Variants in PTPN11 observed in about 807,000 individuals in gnomAD.
PTPN11 encodes the protein tyrosine-protein phosphatase non-receptor type 11.
In PTPN11, 6 loss-of-function variants were observed where a neutral mutation model predicts 78.8. That is an observed-to-expected ratio of 0.08 (90% CI 0.04 to 0.15). The LOEUF (loss-of-function observed/expected upper bound fraction) is 0.15, where lower values mean the gene tolerates loss of function less well. Among genes scored for constraint, PTPN11 ranks in the 10% least tolerant of loss-of-function variants. The pLI is 1.00. For missense variants in PTPN11, 386 were observed against 744.8 expected (o/e 0.52, Z 5.61); for synonymous variants, 221 against 263.5 (o/e 0.84, Z 1.56).
intron 12 of PTPN11, 145 bp from the exon 13 acceptor site, chr12:112,488,874 AAGTTC>A: frequency 8.6e-7 from 1 of 1,163,462 alleles, no homozygotes; most frequent in Non-Finnish European, 1.3e-6. Context: ...TATTGGTCAG[AAGTTC>A]AACACTGTAG....
In PTPN11 at chr12:112,464,236, C is replaced by T. The variant is rs77864969; in HGVS notation, c.756+8173C>T. ...ATTTCAGGTATCACTATCCAGAAGA[C>T]GTTACTTTTGCCTTTGATGCACTTT... On this transcript the variant is annotated intron_variant, in intron 6 of 15. Coordinates refer to ENST00000351677, the MANE Select transcript of PTPN11 (RefSeq NM_002834.5). 8.1e-3 allele frequency among the ~76,000 whole-genome samples: 1,240 copies of T among 152,252 alleles called. 16 individuals are homozygous for T. Among genetic ancestry groups the T allele is most frequent in the African/African-American group, 0.029 (1,191 of 41,552 alleles).
Position 112,453,400 on chromosome 12 carries a change from T to C in PTPN11, c.525+13T>C. On this transcript the variant is annotated intron_variant, in intron 4 of 15. Transcript: ENST00000351677. ...GATTCGCTGTCAGGTAAATCTCCAG[T>C]TGAAAAATGGGTCTGGCAAGATGTT... 1 of 1,613,396 alleles carries C rather than the reference T, an allele frequency of 6.2e-7. No homozygotes were observed.
intron 3 of PTPN11, among the ~76,000 whole-genome samples, chr12:112,452,273 C>T (rs1485687464): frequency 6.6e-6 from 1 of 152,070 alleles, no homozygotes. Flanking sequence ...GTCACCCAGG[C>T]TGGAGTGCAA....
intron 5 of PTPN11, 110 bp downstream of exon 5, chr12:112,454,790 G>T: frequency 1.4e-6 from 1 of 699,826 alleles, no homozygotes; most frequent in Non-Finnish European, 2.6e-6. Flanking sequence ...CAGCCTCCAT[G>T]TACCCATTGC....
chr12:112,472,582 G>A lies in PTPN11; in HGVS notation c.757-362G>A, dbSNP rs533667223. Among the ~76,000 whole-genome samples the A allele has an allele frequency of 6.7e-5, 10 of 150,274 alleles. No homozygotes were observed. The South Asian group carries it at 2.1e-3, about 32-fold the overall frequency. On this transcript the variant is annotated intron_variant, in intron 6 of 15. Coordinates refer to ENST00000351677, the MANE Select transcript of PTPN11 (RefSeq NM_002834.5). ...GGAGTCTCGCTCTTTCGCCCAGGCTGGAGTGCAGTGGCACAATCTCTCCTC... is the reference window on the plus strand; with the variant it reads ...GGAGTCTCGCTCTTTCGCCCAGGCTAGAGTGCAGTGGCACAATCTCTCCTC...
chr12:112,452,983 A>G (rs928289463), intron 3 of PTPN11, among the ~76,000 whole-genome samples: 1 of 151,996 alleles, frequency 6.6e-6, no homozygotes, highest in African/African-American at 2.4e-5. Flanking sequence ...CTCATTTAAG[A>G]AGTTTAGTGG....
intron 15 of PTPN11, among the ~76,000 whole-genome samples, chr12:112,505,533 G>A (rs933723921): frequency 1.3e-5 from 2 of 151,654 alleles, no homozygotes; most frequent in African/African-American, 2.4e-5. Flanking sequence ...AATTAGCTGA[G>A]CATGGTGGTG....
chr12:112,429,125 A>G (rs61941346), intron 1 of PTPN11, among the ~76,000 whole-genome samples: 6,108 of 152,286 alleles, frequency 0.04, 184 homozygotes, highest in South Asian at 0.078. Flanking sequence ...GTTAGCTTAA[A>G]TGACATACAT....
At chr12:112,425,258 A>G (rs2037599703) in intron 1 of PTPN11, among the ~76,000 whole-genome samples, 1 of 152,146 alleles carries the variant, frequency 6.6e-6, no homozygotes, top group Admixed American at 6.6e-5. Flanking sequence ...GGGGGGGGCT[A>G]GTTAAATGAA....
At chr12:112,488,353 T>G in intron 11 of PTPN11, 90 bp from the exon 12 acceptor site, 1 of 1,026,620 alleles carries the variant, frequency 9.7e-7, no homozygotes, top group Non-Finnish European at 1.6e-6. Flanking sequence ...AGAGTAGACA[T>G]TGTTTCTGTT....
At chr12:112,470,423 C>T (rs2038397324) in intron 6 of PTPN11, among the ~76,000 whole-genome samples, 1 of 152,198 alleles carries the variant, frequency 6.6e-6, no homozygotes. Flanking sequence ...GCTCATTTCA[C>T]ACTCAAGGAA....
At chr12:112,455,892 T>A in intron 5 of PTPN11, 58 bp from the exon 6 acceptor site, 12 of 941,668 alleles carry the variant, frequency 1.3e-5, no homozygotes, top group East Asian at 2.4e-5. Flanking sequence ...TTTTTTTGCA[T>A]TAACACCGTT....
Position 112,464,281 on chromosome 12 carries a change from G to A in PTPN11, c.756+8218G>A, listed in dbSNP as rs146182758. ...CACTTTAAAATGTGAAGTCTCTTGT[G>A]AAGCTCTTTGGTTATTTTCTCCTTT... On this transcript the variant is annotated intron_variant, in intron 6 of 15. Coordinates refer to ENST00000351677, the MANE Select transcript of PTPN11 (RefSeq NM_002834.5). 2.9e-3 allele frequency among the ~76,000 whole-genome samples: 448 copies of A among 152,284 alleles called. 2 individuals carry two copies. Among genetic ancestry groups the A allele is most frequent in the African/African-American group, 9.8e-3 (409 of 41,566 alleles).
chr12:112,452,575 TG>T (rs1416980221), intron 3 of PTPN11, among the ~76,000 whole-genome samples: 1 of 151,894 alleles, frequency 6.6e-6, no homozygotes, highest in Non-Finnish European at 1.5e-5. Flanking sequence ...TCACCCAAGC[TG>T]GAGTGCGGTG....
intron 6 of PTPN11, among the ~76,000 whole-genome samples, chr12:112,463,744 G>A (rs1176687401): frequency 2.0e-5 from 3 of 152,162 alleles, no homozygotes; most frequent in Non-Finnish European, 4.4e-5. Flanking sequence ...TCTCCACAGA[G>A]GTCAGACTGA....
At chr12:112,501,962 G>T (rs1592862460) in intron 13 of PTPN11, among the ~76,000 whole-genome samples, 182 bp from the exon 14 acceptor site, 1 of 152,164 alleles carries the variant, frequency 6.6e-6, no homozygotes, top group African/African-American at 2.4e-5. Context: ...CTCCTACTGT[G>T]TATTTACCTT....
intron 1 of PTPN11, among the ~76,000 whole-genome samples, chr12:112,432,191 AT>A (rs2037723500): frequency 6.6e-6 from 1 of 152,202 alleles, no homozygotes; most frequent in African/African-American, 2.4e-5. Context: ...TTGGTAATGT[AT>A]GTAGTATTGG....
intron 4 of PTPN11, 131 bp downstream of exon 4, chr12:112,453,518 T>C: frequency 1.3e-6 from 1 of 793,598 alleles, no homozygotes. Context: ...ATTTATTTAT[T>C]TGAGACAGGG....
intron 1 of PTPN11, among the ~76,000 whole-genome samples, chr12:112,437,448 A>AC (rs1158676904): frequency 1.3e-5 from 2 of 152,186 alleles, no homozygotes; most frequent in Non-Finnish European, 2.9e-5. Flanking sequence ...GGCATGAGCC[A>AC]CCGTGCCCGG....
Sources: gnomAD v4.1 joint callset for allele counts (sites outside exome capture counted in the v4.1 genomes callset) on GRCh38, gnomAD v4.1.1 for gene constraint, MANE v1.5 for transcripts, NCBI Gene and HGNC (gene_info 2026-07-23, HGNC 2026-07-21) for gene names.